Variants in MAP9 observed in about 807,000 individuals in gnomAD.
The protein encoded by MAP9 is microtubule-associated protein 9.
MAP9 carries 80 observed loss-of-function variants against 75.2 expected under a neutral mutation model. The observed-to-expected ratio is 1.06, with a 90% CI of 0.89 to 1.28. The LOEUF is 1.28. Among genes scored for constraint, MAP9 ranks in the 50% most tolerant of loss-of-function variants. The pLI, the probability that MAP9 is intolerant of heterozygous loss-of-function variation, is 0.00. For missense variants in MAP9, 753 were observed against 719.9 expected, an observed-to-expected ratio of 1.05 and a Z score of -0.53; for synonymous variants, 235 against 237.3, an observed-to-expected ratio of 0.99 and a Z score of 0.09.
At chr4:155,364,433 T>C (rs755868796) in intron 5 of MAP9, among the ~76,000 whole-genome samples, 2 of 148,894 alleles carry the variant, frequency 1.3e-5, no homozygotes, top group African/African-American at 2.4e-5. Context: ...TATAGATATG[T>C]AATATCTATA....
chr4:155,361,361 T>A (rs1049369723), intron 6 of MAP9: 1 of 152,018 alleles, frequency 6.6e-6, no homozygotes, highest in Admixed American at 6.6e-5. Context: ...GCTTTTCTCA[T>A]CTGTAAAATG....
intron 5 of MAP9, chr4:155,368,259 T>C (rs1359415104): frequency 6.1e-6 from 3 of 494,084 alleles, no homozygotes; most frequent in Admixed American, 3.7e-5. Context: ...CACTATTATA[T>C]AGATTCAGAA....
Position 155,373,358 on chromosome 4 carries a change from A to C in MAP9, c.259T>G (p.Ser87Ala). The C allele has an allele frequency of 6.2e-7, 1 of 1,612,744 alleles. No individual in the cohort carries two copies. ...TTGGTTTTCAAAAACAATAGTTTTG[A>C]AGGATTCTTTTCTTCATCATCTGAT... ...HISDDEEKNPSKLLFLKTNKS... is the reference protein window; with the variant it reads ...HISDDEEKNPAKLLFLKTNKS... Residue 87 changes from serine (S) to alanine (A), a missense_variant, in exon 4 of 14, where the codon TCA becomes GCA. Physicochemically the swap from Ser to Ala is moderately conservative, Grantham distance 99. Coordinates refer to ENST00000311277, the MANE Select transcript of MAP9 (RefSeq NM_001039580.2).
intron 6 of MAP9, 134 bp downstream of exon 6, chr4:155,361,912 CAT>C (rs1443529656): frequency 3.5e-6 from 2 of 577,956 alleles, no homozygotes; most frequent in African/African-American, 4.0e-5. Context: ...TAGTTAACTA[CAT>C]AGTCAGGATT....
At position 155,347,266 on chromosome 4, in the gene MAP9, C is replaced by A. The variant is rs1731319228; in HGVS notation, c.*517G>T. 1 of 152,268 alleles carries A rather than the reference C, an allele frequency of 6.6e-6. No homozygotes were observed. The highest frequency in any genetic ancestry group is 2.4e-5 in the African/African-American group (1 of 41,562). The allele number at this position is 152,268 out of a possible 1,614,324, so 9.4% of individuals were successfully genotyped here. A position where few individuals can be genotyped will look rare whatever the true frequency, so the allele number is the denominator to read the frequency against. Reference sequence around the variant, plus strand: ...GAGTTCTACTGAGCTACTGCCTCAACTGATGAAAATTCTAACTAGCACAGT... The same window carrying A: ...GAGTTCTACTGAGCTACTGCCTCAAATGATGAAAATTCTAACTAGCACAGT... On this transcript the variant is annotated 3_prime_UTR_variant, in exon 14 of 14. Coordinates refer to ENST00000311277, the MANE Select transcript of MAP9 (RefSeq NM_001039580.2).
intron 3 of MAP9, among the ~76,000 whole-genome samples, chr4:155,374,346 A>AAAACAAAAACAAAAAC (rs112458522): frequency 4.0e-5 from 6 of 151,596 alleles, no homozygotes; most frequent in East Asian, 3.9e-4. Context: ...CTCAAAAACA[A>AAAACAAAAACAAAAAC]AAACAAACAA....
rs1375504596 is a variant in MAP9 at position 155,346,846 on chromosome 4, A to AAATG, written c.*936_*937insCATT. 1 of 152,494 alleles carries AAATG rather than the reference A, an allele frequency of 6.6e-6. No individual in the cohort carries two copies. The highest frequency in any genetic ancestry group is 1.9e-4 in the East Asian group (1 of 5,190). The allele number at this position is 152,494 out of a possible 1,614,324, so 9.4% of individuals were successfully genotyped here. A position where few individuals can be genotyped will look rare whatever the true frequency, so the allele number is the denominator to read the frequency against. On this transcript the variant is annotated 3_prime_UTR_variant, in exon 14 of 14. Transcript: ENST00000311277. ...GTTACTACGAGGACATGCAGAGATC[A>AAATG]AATAAATAAATAAATAAAGGCTTTG...
At chr4:155,354,562 C>A (rs1482066910) in intron 10 of MAP9, among the ~76,000 whole-genome samples, 2 of 151,156 alleles carry the variant, frequency 1.3e-5, no homozygotes, top group South Asian at 4.2e-4. Flanking sequence ...CTCCCGGGTT[C>A]AAGTGATCCT....
At chr4:155,348,910 A>C (rs562351737) in intron 13 of MAP9, among the ~76,000 whole-genome samples, 73 of 152,154 alleles carry the variant, frequency 4.8e-4, no homozygotes, top group Non-Finnish European at 7.9e-4. Context: ...TGTCATTTGC[A>C]AATAAAAATA....
At chr4:155,375,939 C>A in intron 1 of MAP9, 25 bp from the exon 2 acceptor site, 3 of 816,206 alleles carry the variant, frequency 3.7e-6, no homozygotes, top group East Asian at 5.0e-5. Context: ...ACAAATCAGA[C>A]TTCGCATGCT....
rs758955382 is a variant in MAP9 at position 155,352,981 on chromosome 4, G to GCTCTTT, written c.1613_1618dup (p.Glu538_Arg539dup). ...AGTTTCCTCCTCTTTCTGTTTCTTT[G>GCTCTTT]CTCTTTCATATTCTCTCTCCTTTCT... On this transcript the variant is annotated inframe_insertion, in exon 12 of 14. Coordinates refer to ENST00000311277, the MANE Select transcript of MAP9 (RefSeq NM_001039580.2). 18 of 1,537,954 alleles carry GCTCTTT rather than the reference G, an allele frequency of 1.2e-5. No homozygotes were observed. The African/African-American group carries it at 2.5e-4, about 21-fold the overall frequency.
intron 4 of MAP9, among the ~76,000 whole-genome samples, chr4:155,369,041 T>C (rs1474969744): frequency 6.6e-6 from 1 of 151,788 alleles, no homozygotes; most frequent in African/African-American, 2.4e-5. Context: ...GATCCCGACA[T>C]GTTGGGAGCG....
chr4:155,356,047 G>A (rs1731768869), intron 8 of MAP9, among the ~76,000 whole-genome samples, 163 bp from the exon 9 acceptor site: 2 of 152,140 alleles, frequency 1.3e-5, no homozygotes. Context: ...GATGACTTGA[G>A]CTCATCCTGT....
chr4:155,369,467 TTAAAAA>T (rs1732497512), intron 4 of MAP9, among the ~76,000 whole-genome samples: 1 of 130,880 alleles, frequency 7.6e-6, no homozygotes, highest in Admixed American at 6.9e-5. Flanking sequence ...AAAAAAAATG[TTAAAAA>T]TAAAAAAACA....
At chr4:155,376,063 G>A in intron 1 of MAP9, 149 bp from the exon 2 acceptor site, 1 of 410,336 alleles carries the variant, frequency 2.4e-6, no homozygotes, top group Non-Finnish European at 4.3e-6. Context: ...TAAAGAAATA[G>A]CAAATTCTCA....
intron 4 of MAP9, 145 bp downstream of exon 4, chr4:155,372,991 G>A (rs1015636124): frequency 7.4e-6 from 4 of 543,374 alleles, no homozygotes; most frequent in Non-Finnish European, 1.2e-5. Context: ...ATTGAAGTTA[G>A]ACAAAATACA....
rs1205942073 is a variant in MAP9, at chr4:155,345,493, C to G, written c.*2290G>C. 6.6e-6 allele frequency: 1 copy of G among 151,750 alleles called. No individual in the cohort carries two copies. The highest frequency in any genetic ancestry group is 6.6e-5 in the Admixed American group (1 of 15,210). 9.4% of individuals were successfully genotyped at this position (151,750 alleles called of 1,614,324 possible). On this transcript the variant is annotated 3_prime_UTR_variant, in exon 14 of 14. Transcript: ENST00000311277. ...TTTTGAGTGTTACAGCCTGGACTGG[C>G]CAGCAAGACAGAAATTTCTTCTTCC... is the stretch of plus-strand genomic sequence containing the variant.
intron 5 of MAP9, among the ~76,000 whole-genome samples, chr4:155,363,744 T>A (rs1413120041): frequency 6.6e-6 from 1 of 151,992 alleles, no homozygotes; most frequent in African/African-American, 2.4e-5. Context: ...TTTGAAATCA[T>A]AAAAGATACA....
chr4:155,360,195 T>G lies in MAP9; in HGVS notation c.1023A>C (p.Ile341=). 6.2e-7 allele frequency: 1 copy of G among 1,612,436 alleles called. No individual in the cohort carries two copies. The highest frequency in any genetic ancestry group is 8.5e-7 in the Non-Finnish European group (1 of 1,178,782). ...TTGAAGATGCTGTTGCACTGGTAGATATTAAGATACTCTGAGATTTAGATA... is the reference window on the plus strand; with the variant it reads ...TTGAAGATGCTGTTGCACTGGTAGAGATTAAGATACTCTGAGATTTAGATA... ...PLLSKSQSIL[I]STSATASSKK... is the part of the protein sequence containing the mutation. Residue 341 remains isoleucine, a synonymous_variant, in exon 7 of 14, where the codon ATA becomes ATC. Transcript: ENST00000311277.
Sources: gnomAD v4.1 joint callset for allele counts (sites outside exome capture counted in the v4.1 genomes callset) on GRCh38, gnomAD v4.1.1 for gene constraint, MANE v1.5 for transcripts, NCBI Gene and HGNC (gene_info 2026-07-23, HGNC 2026-07-21) for gene names.